CCL17: variants seen among roughly 807,000 people sequenced by gnomAD.
CCL17 encodes C-C motif chemokine 17.
CCL17 carries 8 observed loss-of-function variants against 7.4 expected under a neutral mutation model. That is an observed-to-expected ratio of 1.09 (90% CI 0.64 to 1.96). CCL17 has a LOEUF of 1.96. Among genes scored for constraint, CCL17 ranks in the 30% most tolerant of loss-of-function variants. The pLI is 0.00. For synonymous variants in CCL17, 40 were observed against 46.1 expected, an observed-to-expected ratio of 0.87 and a Z score of 0.54; for missense variants, 102 against 113.0, an observed-to-expected ratio of 0.90 and a Z score of 0.44.
At chr16:57,402,810 A>G (rs1264637744), upstream of CCL17, among the ~76,000 whole-genome samples, 1 of 152,008 alleles carries the variant, frequency 6.6e-6, no homozygotes, top group East Asian at 1.9e-4. Flanking sequence ...CCAGCCATTT[A>G]TCCATTCACT....
At chr16:57,403,663 TATA>T (rs1902653374), upstream of CCL17, among the ~76,000 whole-genome samples, 3 of 92,276 alleles carry the variant, frequency 3.3e-5, no homozygotes, top group Admixed American at 1.9e-4. Flanking sequence ...TATATATATA[TATA>T]TATTTTTTGA....
rs1407394364 is a variant in CCL17, at chr16:57,415,780, G to A, written c.204G>A (p.Gln68=). The A allele has an allele frequency of 7.4e-6, 12 of 1,611,620 alleles. No homozygotes were observed. The highest frequency in any genetic ancestry group is 1.0e-5 in the Non-Finnish European group (12 of 1,177,806). ...SRDAIVFVTV[Q]GRAICSDPNN... ...TTCTGTGTAGTTTTGTAACTGTGCA[G>A]GGCAGGGCCATCTGTTCGGACCCCA... The change falls in exon 4 of 4, where the codon CAG becomes CAA. Residue 68 remains glutamine (Q), a synonymous_variant. Transcript: ENST00000219244. This position sits in a 1 kb window ranked among gnomAD's most constrained non-coding sequence, Gnocchi z 4.5.
upstream of CCL17, among the ~76,000 whole-genome samples, chr16:57,402,792 GAAC>G (rs1213859103): frequency 6.6e-6 from 1 of 151,956 alleles, no homozygotes; most frequent in East Asian, 1.9e-4. Context: ...TCTGCTTCAG[GAAC>G]AACACCAGCC....
upstream of CCL17, among the ~76,000 whole-genome samples, chr16:57,403,666 A>ATTTT (rs200655027): frequency 8.9e-5 from 8 of 89,682 alleles, no homozygotes; most frequent in African/African-American, 3.0e-4. Flanking sequence ...ATATATATAT[A>ATTTT]TATTTTTTGA....
chr16:57,410,322 C>T (rs1182442665), intron 1 of CCL17, among the ~76,000 whole-genome samples: 2 of 152,154 alleles, frequency 1.3e-5, no homozygotes, highest in Non-Finnish European at 2.9e-5. Context: ...GGGGCAAGGG[C>T]GGCAGGTGCC....
At chr16:57,411,755 A>G (rs1477990983) in intron 1 of CCL17, among the ~76,000 whole-genome samples, 1 of 152,086 alleles carries the variant, frequency 6.6e-6, no homozygotes, top group Non-Finnish European at 1.5e-5. Flanking sequence ...CTGGTCCTGC[A>G]CCTCTGGGCT....
At chr16:57,413,120 A>C (rs1318211320) in intron 1 of CCL17, among the ~76,000 whole-genome samples, 1 of 151,782 alleles carries the variant, frequency 6.6e-6, no homozygotes, top group African/African-American at 2.4e-5. Flanking sequence ...TCTCCCACTG[A>C]CCCCTTCGTT....
chr16:57,407,733 C>G (rs1249211476), intron 1 of CCL17, among the ~76,000 whole-genome samples: 2 of 151,852 alleles, frequency 1.3e-5, no homozygotes, highest in Non-Finnish European at 2.9e-5. Flanking sequence ...ATTCATCCAT[C>G]CTTCCATCCA....
In CCL17 at chr16:57,415,719, G is replaced by T; in HGVS notation, c.189-46G>T. The T allele has an allele frequency of 7.8e-7, 1 of 1,281,594 alleles. No individual in the cohort carries two copies. The highest frequency in any genetic ancestry group is 1.1e-6 in the Non-Finnish European group (1 of 877,396). 79.4% of individuals were successfully genotyped at this position (1,281,594 alleles called of 1,614,324 possible). A position where few individuals can be genotyped will look rare whatever the true frequency, so the allele number is the denominator to read the frequency against. ...GCGGGCCGTCCCAGGGACTCTGGGG[G>T]CCCTTCCCCCCCTGCCACTCCTGGT... On this transcript the variant is annotated intron_variant, in intron 3 of 3. Transcript: ENST00000219244. This position sits in a 1 kb window ranked among gnomAD's most constrained non-coding sequence, Gnocchi z 4.5.
chr16:57,413,591 G>A (rs1206562096), intron 1 of CCL17, among the ~76,000 whole-genome samples: 10 of 152,200 alleles, frequency 6.6e-5, no homozygotes, highest in Admixed American at 2.6e-4. Context: ...CCAGCTGTGC[G>A]TGGAGGCTTT....
chr16:57,404,591 G>A (rs1325190448), upstream of CCL17, among the ~76,000 whole-genome samples: 4 of 152,138 alleles, frequency 2.6e-5, no homozygotes, highest in Non-Finnish European at 4.4e-5. Context: ...GCAGCTGGAC[G>A]TAGAAGGAGG....
upstream of CCL17, among the ~76,000 whole-genome samples, chr16:57,402,720 T>C (rs1598008289): frequency 6.6e-6 from 1 of 152,124 alleles, no homozygotes; most frequent in African/African-American, 2.4e-5. Flanking sequence ...AGCCCAGGCA[T>C]CAGAGAGACA....
chr16:57,407,805 C>T (rs1172950916), intron 1 of CCL17, among the ~76,000 whole-genome samples: 4 of 151,654 alleles, frequency 2.6e-5, no homozygotes, highest in African/African-American at 9.7e-5. Flanking sequence ...TCCATCCATT[C>T]ATCCATCCGT....
chr16:57,411,377 C>G (rs558510675), intron 1 of CCL17, among the ~76,000 whole-genome samples: 2 of 152,298 alleles, frequency 1.3e-5, no homozygotes, highest in African/African-American at 4.8e-5. Context: ...TGAACCAGAA[C>G]CTTCCTAGTC....
At position 57,415,211 on chromosome 16, in the gene CCL17, G is replaced by C; in HGVS notation, c.188+13G>C. ...GGGATGCCATCGTGTAAGTCCCCCT[G>C]GCTCCACCCCTGCTCCTCAGGGCCA... On this transcript the variant is annotated intron_variant, in intron 3 of 3. Transcript: ENST00000219244. The surrounding 1 kb of genome is among the most constrained non-coding windows in gnomAD (Gnocchi z 4.5). 1 of 1,535,750 alleles carries C rather than the reference G, an allele frequency of 6.5e-7. No individual in the cohort carries two copies. Among genetic ancestry groups the C allele is most frequent in the South Asian group, 1.1e-5 (1 of 89,528 alleles).
intron 1 of CCL17, among the ~76,000 whole-genome samples, chr16:57,413,553 G>C (rs749618659): frequency 1.3e-5 from 2 of 152,192 alleles, no homozygotes; most frequent in Non-Finnish European, 2.9e-5. Context: ...ATGCATGAAG[G>C]ATGCTCTCCA....
At chr16:57,399,850 G>C (rs1902566748), upstream of CCL17, among the ~76,000 whole-genome samples, 1 of 152,176 alleles carries the variant, frequency 6.6e-6, no homozygotes. Flanking sequence ...TCAAAGATGA[G>C]CTCGTGCTCA....
chr16:57,413,942 C>A lies in CCL17; in HGVS notation c.10C>A (p.Leu4Met). 1 of 1,608,584 alleles carries A rather than the reference C, an allele frequency of 6.2e-7. No homozygotes were observed. Among genetic ancestry groups the A allele is most frequent in the Non-Finnish European group, 8.5e-7 (1 of 1,177,692 alleles). The change falls in exon 2 of 4, where the codon CTG becomes ATG. Residue 4 changes from leucine (L) to methionine (M), a missense_variant. Coordinates refer to ENST00000219244, the MANE Select transcript of CCL17 (RefSeq NM_002987.3). ...CTGGGCTCCTGGCACCATGGCCCCA[C>A]TGAAGATGCTGGCCCTGGTCACCCT... MAP[L>M]KMLALVTLLL...
intron 2 of CCL17, among the ~76,000 whole-genome samples, chr16:57,414,511 C>T (rs1363840659): frequency 2.7e-5 from 4 of 148,552 alleles, no homozygotes; most frequent in Non-Finnish European, 3.0e-5. Flanking sequence ...CTCTGCCTCC[C>T]GGATTCAAGC....
Sources: gnomAD v4.1 joint callset for allele counts (sites outside exome capture counted in the v4.1 genomes callset) on GRCh38, gnomAD v4.1.1 for gene constraint, Gnocchi (gnomAD v3.1) non-coding constraint, MANE v1.5 for transcripts, NCBI Gene and HGNC (gene_info 2026-07-23, HGNC 2026-07-21) for gene names.